DPP6: variants seen among roughly 807,000 people sequenced by gnomAD.
DPP6 encodes A-type potassium channel modulatory protein DPP6.
Under a neutral mutation model 122.6 loss-of-function variants are expected in DPP6, and 69 were observed. The ratio of observed to expected loss-of-function variants is 0.56; its 90% CI spans 0.46 to 0.69. DPP6 has a LOEUF of 0.69. DPP6 is among the 30% of genes least tolerant of loss of function. The pLI is 0.00. For missense variants in DPP6, 928 were observed against 1,116.9 expected, an observed-to-expected ratio of 0.83 and a Z score of 2.41; for synonymous variants, 418 against 433.1, an observed-to-expected ratio of 0.97 and a Z score of 0.43.
intron 3 of DPP6, among the ~76,000 whole-genome samples, chr7:154,489,093 A>G (rs73726901): frequency 0.11 from 16,901 of 152,218 alleles, 1,383 homozygotes; most frequent in African/African-American, 0.23. Context: ...ATTCTTGCTT[A>G]AGAGAACCTT....
At chr7:154,423,272 A>G (rs7796416) in intron 1 of DPP6, among the ~76,000 whole-genome samples, 1 of 151,964 alleles carries the variant, frequency 6.6e-6, no homozygotes, top group Non-Finnish European at 1.5e-5. Context: ...GATTTAGTAG[A>G]GTCAGGGAGG....
the DPP6 span, among the ~76,000 whole-genome samples, chr7:153,853,410 G>T: frequency 6.6e-6 from 1 of 152,198 alleles, no homozygotes; most frequent in African/African-American, 2.4e-5. Context: ...CTTGAGGCAG[G>T]ATGGGTAGCT....
At chr7:154,865,651 G>A (rs1337987676) in intron 17 of DPP6, among the ~76,000 whole-genome samples, 1 of 152,182 alleles carries the variant, frequency 6.6e-6, no homozygotes, top group African/African-American at 2.4e-5. Context: ...TTGGGTCCTC[G>A]GGTCTGAGCT....
At chr7:154,889,030 C>T (rs938163506) in intron 23 of DPP6, among the ~76,000 whole-genome samples, 4 of 152,206 alleles carry the variant, frequency 2.6e-5, no homozygotes, top group African/African-American at 9.6e-5. Context: ...GTCCCTCCCA[C>T]AACTCGTGGG....
intron 7 of DPP6, among the ~76,000 whole-genome samples, chr7:154,726,129 C>A (rs1257285843): frequency 6.6e-6 from 1 of 152,208 alleles, no homozygotes; most frequent in Non-Finnish European, 1.5e-5. Flanking sequence ...GTGCCTGGGG[C>A]TTTTCCAGAT....
chr7:154,122,252 A>G (rs767525352), intron 1 of DPP6, among the ~76,000 whole-genome samples: 3 of 152,110 alleles, frequency 2.0e-5, no homozygotes, highest in Non-Finnish European at 2.9e-5. Flanking sequence ...GTGCATTTGC[A>G]TGTTGTGTAC....
At chr7:154,368,752 A>G (rs76706207) in intron 1 of DPP6, among the ~76,000 whole-genome samples, 2,315 of 152,330 alleles carry the variant, frequency 0.015, 53 homozygotes, top group African/African-American at 0.051. Context: ...GATGAATTAA[A>G]TTTTCCCAAA....
chr7:153,988,982 AG>A (rs1408090006), intron 1 of DPP6, among the ~76,000 whole-genome samples: 2 of 150,506 alleles, frequency 1.3e-5, no homozygotes, highest in African/African-American at 4.9e-5. Context: ...GCGCAGAAAA[AG>A]GGATTAGCGT....
intron 1 of DPP6, among the ~76,000 whole-genome samples, chr7:154,127,638 CACACACACACACAG>C (rs1479808123): frequency 0.02 from 2,221 of 109,124 alleles, 33 homozygotes; most frequent in Admixed American, 0.027. Flanking sequence ...CACACAGACA[CACACACACACACAG>C]ACACACACAC....
At chr7:153,912,917 T>G (rs1800150887) in intron 1 of DPP6, among the ~76,000 whole-genome samples, 1 of 152,122 alleles carries the variant, frequency 6.6e-6, no homozygotes, top group South Asian at 2.1e-4. Context: ...GAAATAGCCT[T>G]AAAAAAGATG....
At chr7:154,588,839 G>A (rs947749526) in intron 5 of DPP6, among the ~76,000 whole-genome samples, 1 of 152,178 alleles carries the variant, frequency 6.6e-6, no homozygotes, top group Non-Finnish European at 1.5e-5. Flanking sequence ...TAATGAGCAG[G>A]AGGCTTATTA....
intron 6 of DPP6, among the ~76,000 whole-genome samples, chr7:154,664,183 G>A (rs1460500168): frequency 1.3e-5 from 2 of 151,824 alleles, no homozygotes; most frequent in Non-Finnish European, 2.9e-5. Flanking sequence ...TGGCATATTG[G>A]CGCTAGTGTT....
At chr7:154,285,040 C>T (rs942366996) in intron 1 of DPP6, among the ~76,000 whole-genome samples, 2 of 152,122 alleles carry the variant, frequency 1.3e-5, no homozygotes, top group Non-Finnish European at 2.9e-5. Context: ...TTAATGACTA[C>T]AAAATTGCTG....
the DPP6 span, among the ~76,000 whole-genome samples, chr7:153,782,233 T>C: frequency 1.1e-3 from 166 of 152,082 alleles, 3 homozygotes; most frequent in South Asian, 0.033. Flanking sequence ...AATCAGTCCT[T>C]GACAATCCCA....
At chr7:154,345,173 G>T (rs1810288516) in intron 1 of DPP6, among the ~76,000 whole-genome samples, 1 of 152,096 alleles carries the variant, frequency 6.6e-6, no homozygotes, top group Non-Finnish European at 1.5e-5. Flanking sequence ...TCTGGTGAGG[G>T]CTCTCTTCTT....
intron 17 of DPP6, among the ~76,000 whole-genome samples, chr7:154,859,807 A>G (rs959964061): frequency 3.3e-5 from 5 of 152,218 alleles, no homozygotes; most frequent in African/African-American, 9.6e-5. Flanking sequence ...TAATGTAAAT[A>G]TGAAAGGCAG....
At chr7:154,041,995 G>T (rs1409556521) in intron 1 of DPP6, among the ~76,000 whole-genome samples, 1 of 152,148 alleles carries the variant, frequency 6.6e-6, no homozygotes, top group Non-Finnish European at 1.5e-5. Flanking sequence ...CCGACCTCGT[G>T]ATCCGCCCAC....
At chr7:154,076,976 T>A (rs1209033407) in intron 1 of DPP6, among the ~76,000 whole-genome samples, 1 of 152,108 alleles carries the variant, frequency 6.6e-6, no homozygotes, top group African/African-American at 2.4e-5. Context: ...AGGAAATAAT[T>A]TCAATACTTA....
chr7:154,716,811 G>A (rs973314087), intron 7 of DPP6, among the ~76,000 whole-genome samples: 2 of 151,964 alleles, frequency 1.3e-5, no homozygotes, highest in Non-Finnish European at 2.9e-5. Context: ...GGTACAGTGT[G>A]ATTTTTGTTT....
Sources: gnomAD v4.1 joint callset for allele counts (sites outside exome capture counted in the v4.1 genomes callset) on GRCh38, gnomAD v4.1.1 for gene constraint, MANE v1.5 for transcripts, NCBI Gene and HGNC (gene_info 2026-07-23, HGNC 2026-07-21) for gene names.